Variants in DAAM1 observed in about 807,000 individuals in gnomAD.
DAAM1 encodes the protein disheveled-associated activator of morphogenesis 1.
In DAAM1, 52 loss-of-function variants were observed where a neutral mutation model predicts 130.0. The ratio of observed to expected loss-of-function variants is 0.40; its 90% CI spans 0.32 to 0.50. The LOEUF (loss-of-function observed/expected upper bound fraction) is 0.50. Ranked by LOEUF, DAAM1 falls within the 20% of genes least tolerant of loss-of-function variation. The pLI, the probability that DAAM1 is intolerant of heterozygous loss-of-function variation, is 0.61. For synonymous variants in DAAM1, 452 were observed against 444.5 expected, an observed-to-expected ratio of 1.02 and a Z score of -0.21; for missense variants, 1,134 against 1,303.8, an observed-to-expected ratio of 0.87 and a Z score of 2.01.
intron 8 of DAAM1, among the ~76,000 whole-genome samples, 171 bp from the exon 9 acceptor site, chr14:59,325,493 G>A (rs1885171928): frequency 1.3e-5 from 2 of 152,136 alleles, no homozygotes; most frequent in Non-Finnish European, 2.9e-5. Context: ...CTCAGGTGAT[G>A]TCTTTTTTTC....
chr14:59,271,540 G>A (rs566512806), intron 2 of DAAM1, among the ~76,000 whole-genome samples: 5 of 152,168 alleles, frequency 3.3e-5, no homozygotes, highest in Admixed American at 1.3e-4. Flanking sequence ...TCACAGTCAA[G>A]GTAAGTTGTG....
At chr14:59,225,053 G>T (rs1888898932) in intron 1 of DAAM1, among the ~76,000 whole-genome samples, 1 of 106,480 alleles carries the variant, frequency 9.4e-6, no homozygotes, top group Admixed American at 9.3e-5. Context: ...TTTTGAGACG[G>T]AGTCTCCTTC....
chr14:59,298,989 G>T (rs961355459), intron 3 of DAAM1, among the ~76,000 whole-genome samples: 11 of 152,148 alleles, frequency 7.2e-5, no homozygotes, highest in Admixed American at 7.2e-4. Context: ...CAAAACATTA[G>T]CTGTCTTTTC....
chr14:59,304,153 C>T (rs1884286958), intron 3 of DAAM1, among the ~76,000 whole-genome samples: 1 of 152,146 alleles, frequency 6.6e-6, no homozygotes, highest in African/African-American at 2.4e-5. Context: ...TGCCTGACTT[C>T]ACCAACTCCA....
chr14:59,322,987 C>T lies in DAAM1; in HGVS notation c.536C>T (p.Thr179Ile). The T allele has an allele frequency of 6.2e-7, 1 of 1,614,156 alleles. No homozygotes were observed. Among genetic ancestry groups the T allele is most frequent in the African/African-American group, 1.3e-5 (1 of 75,042 alleles). ...GAGACCTCAGAGTCTCGAATACATA[C>T]TTCTCTCATTGGCTGTATAAAGGCG... ...DYETSESRIH[T>I]SLIGCIKALM... The change falls in exon 6 of 25, where the codon ACT (threonine) becomes ATT (isoleucine). Residue 179 changes from threonine to isoleucine, a missense_variant. By Grantham distance (89) the Thr-to-Ile change is moderately conservative. This residue lies in a region of DAAM1 where 391 missense variants were observed against 521.6 expected (regional missense o/e 0.75). Transcript: ENST00000360909.
chr14:59,237,341 A>G (rs1255036140), intron 1 of DAAM1, among the ~76,000 whole-genome samples: 32 of 152,204 alleles, frequency 2.1e-4, no homozygotes, highest in Non-Finnish European at 2.9e-5. Flanking sequence ...GCTGTTGAAA[A>G]ATTAAATACT....
At chr14:59,359,582 G>C in intron 21 of DAAM1, 78 bp downstream of exon 21, 1 of 1,028,402 alleles carries the variant, frequency 9.7e-7, no homozygotes, top group South Asian at 1.4e-5. Context: ...TGCACTGCAT[G>C]AAGTCAGTCC....
chr14:59,260,342 CTTTT>C (rs939772583), intron 1 of DAAM1, among the ~76,000 whole-genome samples: 1 of 152,158 alleles, frequency 6.6e-6, no homozygotes, highest in Admixed American at 6.5e-5. Context: ...GCAGAAGAGT[CTTTT>C]TGTTTGTTAA....
At chr14:59,195,245 G>A (rs978510851) in intron 1 of DAAM1, among the ~76,000 whole-genome samples, 10 of 146,452 alleles carry the variant, frequency 6.8e-5, no homozygotes, top group Admixed American at 1.4e-4. Context: ...CCAGGTTCAC[G>A]CCATTCTCCT....
At chr14:59,326,151 C>A in intron 10 of DAAM1, 74 bp downstream of exon 10, 2 of 1,392,442 alleles carry the variant, frequency 1.4e-6, no homozygotes, top group African/African-American at 1.4e-5. Flanking sequence ...GGCTCCTGCA[C>A]AGTGCTGATT....
At chr14:59,202,049 C>G (rs1162104580) in intron 1 of DAAM1, among the ~76,000 whole-genome samples, 2 of 152,194 alleles carry the variant, frequency 1.3e-5, no homozygotes, top group African/African-American at 4.8e-5. Flanking sequence ...ACAAACTACC[C>G]ATTCACAAAT....
intron 4 of DAAM1, among the ~76,000 whole-genome samples, chr14:59,319,872 A>G (rs1232289283): frequency 1.3e-5 from 2 of 152,116 alleles, no homozygotes; most frequent in Non-Finnish European, 2.9e-5. Flanking sequence ...TGATTTTCAT[A>G]TCCATATTAA....
chr14:59,199,368 GA>G (rs1888026095), intron 1 of DAAM1, among the ~76,000 whole-genome samples: 1 of 152,186 alleles, frequency 6.6e-6, no homozygotes, highest in Non-Finnish European at 1.5e-5. Flanking sequence ...GAGTTGCTGG[GA>G]TTACAGGCGC....
At chr14:59,207,448 A>G (rs1045770060) in intron 1 of DAAM1, among the ~76,000 whole-genome samples, 1 of 152,206 alleles carries the variant, frequency 6.6e-6, no homozygotes, top group Non-Finnish European at 1.5e-5. Flanking sequence ...GATCCCAAAG[A>G]GATTTTACTG....
At chr14:59,352,410 A>T (rs1248159334) in intron 17 of DAAM1, 116 bp from the exon 18 acceptor site, 1 of 729,000 alleles carries the variant, frequency 1.4e-6, no homozygotes, top group African/African-American at 1.8e-5. Context: ...AGCAGAGCTT[A>T]TACACTCAAC....
At position 59,367,510 on chromosome 14, in the gene DAAM1, C is replaced by A. The variant is rs781315256; in HGVS notation, c.2908C>A (p.Leu970Ile). ...DEFFGIFDQF[L>I]QAVSEAKQEN... ...GTTCTTTGGCATTTTTGATCAATTT[C>A]TTCAAGCTGTGTCAGAAGCCAAACA... The change falls in exon 24 of 25, where the codon CTT (leucine) becomes ATT (isoleucine). Residue 970 changes from leucine (L) to isoleucine (I), a missense_variant. This residue lies in a region of DAAM1 where 644 missense variants were observed against 695.9 expected (regional missense o/e 0.93). Coordinates refer to ENST00000360909, the MANE Select transcript of DAAM1 (RefSeq NM_001270520.2). 6.2e-6 allele frequency: 10 copies of A among 1,613,718 alleles called. No individual in the cohort carries two copies. The highest frequency in any genetic ancestry group is 8.5e-7 in the Non-Finnish European group (1 of 1,179,870).
rs575450363 is a variant in DAAM1, at chr14:59,215,303, C to T, written c.-38+26535C>T. Among the ~76,000 whole-genome samples, 5 of 152,304 alleles carry T rather than the reference C, an allele frequency of 3.3e-5. No individual in the cohort carries two copies. The South Asian group carries it at 8.3e-4, about 25-fold the overall frequency. On this transcript the variant is annotated intron_variant, in intron 1 of 24. Transcript: ENST00000360909. ...GGAAGGTTCAAACAAATATAAAGGA[C>T]CCCTGAGTTATTAACAATTCCATGG...
chr14:59,299,316 C>T (rs1463968857), intron 3 of DAAM1, among the ~76,000 whole-genome samples: 1 of 152,142 alleles, frequency 6.6e-6, no homozygotes, highest in Non-Finnish European at 1.5e-5. Context: ...AGTTGTATGA[C>T]CTGGGGCATG....
rs147412369 is a variant in DAAM1 at position 59,223,509 on chromosome 14, A to G, written c.-38+34741A>G. Among the ~76,000 whole-genome samples, 12 of 152,208 alleles carry G rather than the reference A, an allele frequency of 7.9e-5. No individual in the cohort carries two copies. The East Asian group carries it at 2.3e-3, about 29-fold the overall frequency. Reference sequence around the variant, plus strand: ...CTGCTGAAGAGTCTAAATGGCATCTATGTCTGCCACTGATAGACACTTCAG... The same window carrying G: ...CTGCTGAAGAGTCTAAATGGCATCTGTGTCTGCCACTGATAGACACTTCAG... On this transcript the variant is annotated intron_variant, in intron 1 of 24. Transcript: ENST00000360909.
Sources: gnomAD v4.1 joint callset for allele counts (sites outside exome capture counted in the v4.1 genomes callset) on GRCh38, gnomAD v4.1.1 for gene constraint, gnomAD v4.1.1 regional missense constraint, MANE v1.5 for transcripts, NCBI Gene and HGNC (gene_info 2026-07-23, HGNC 2026-07-21) for gene names.